The following LMNA variants were observed in gnomAD, a reference collection of about 807,000 sequenced individuals.
LMNA encodes the protein lamin.
LMNA carries 20 observed loss-of-function variants against 70.4 expected under a neutral mutation model. The observed-to-expected ratio is 0.28, with a 90% CI of 0.20 to 0.41. The LOEUF (loss-of-function observed/expected upper bound fraction) is 0.41. LMNA is among the 10% of genes least tolerant of loss of function. The pLI, the probability that LMNA is intolerant of heterozygous loss-of-function variation, is 1.00. For missense variants in LMNA, 652 were observed against 917.2 expected (o/e 0.71, Z 3.73); for synonymous variants, 339 against 372.8 (o/e 0.91, Z 1.04).
intron 3 of LMNA, among the ~76,000 whole-genome samples, chr1:156,102,785 C>T (rs971340258): frequency 1.4e-4 from 22 of 152,176 alleles, no homozygotes; most frequent in African/African-American, 5.3e-4. Flanking sequence ...CAGTGAGTCA[C>T]GTTTCCATGT....
At chr1:156,109,759 C>T (rs936942292), upstream of LMNA, 9 of 151,634 alleles carry the variant, frequency 5.9e-5, no homozygotes, top group African/African-American at 2.2e-4. Context: ...AAGTTATTCA[C>T]TGTGTGAGCA....
chr1:156,131,143 C>T (rs1429901907), intron 2 of LMNA, among the ~76,000 whole-genome samples: 1 of 152,092 alleles, frequency 6.6e-6, no homozygotes, highest in African/African-American at 2.4e-5. Context: ...TGGTGGCGGG[C>T]GCCTGTAGTC....
At chr1:156,132,441 G>C (rs549284541) in intron 2 of LMNA, among the ~76,000 whole-genome samples, 1 of 152,240 alleles carries the variant, frequency 6.6e-6, no homozygotes, top group Admixed American at 6.5e-5. Flanking sequence ...CAGCACTCCA[G>C]CCTAGGCAAC....
chr1:156,114,791 T>A lies in LMNA; in HGVS notation c.-128T>A. The A allele has an allele frequency of 1.5e-6, 1 of 674,028 alleles. No individual in the cohort carries two copies. The highest frequency in any genetic ancestry group is 2.4e-6 in the Non-Finnish European group (1 of 413,212). 41.8% of individuals were successfully genotyped at this position (674,028 alleles called of 1,614,324 possible). ...AGCGCCCGGCCCAGATCCCCACGCC[T>A]GCCAGGAGCAAGCCGAGAGCCAGCC... On this transcript the variant is annotated 5_prime_UTR_variant, in exon 1 of 12. Transcript: ENST00000368300.
At position 156,137,217 on chromosome 1, in the gene LMNA, C is replaced by G. The variant is rs1651734080; in HGVS notation, c.1593C>G (p.Ile531Met). ...GCGNSLRTALINSTGEEVAMR... is the reference protein window; with the variant it reads ...GCGNSLRTALMNSTGEEVAMR... ...GGAACAGCCTGCGTACGGCTCTCAT[C>G]AACTCCACTGGGGAAGTAAGTAGGC... is the stretch of plus-strand genomic sequence containing the variant. Residue 531 changes from isoleucine (I) to methionine (M), a missense_variant, in exon 9 of 12, where the codon ATC becomes ATG. Physicochemically the swap from Ile to Met is conservative, Grantham distance 10. Around this residue, in one of 4 missense-constraint regions of LMNA, gnomAD observed 327 missense variants for 387.6 expected, o/e 0.84. Transcript: ENST00000368300. The surrounding 1 kb of genome is among the most constrained non-coding windows in gnomAD (Gnocchi z 4.6). 6.3e-7 allele frequency: 1 copy of G among 1,589,512 alleles called. No homozygotes were observed. The highest frequency in any genetic ancestry group is 1.8e-5 in the Admixed American group (1 of 56,110).
chr1:156,094,159 T>C (rs954358113), intron 3 of LMNA, among the ~76,000 whole-genome samples: 4 of 152,114 alleles, frequency 2.6e-5, no homozygotes, highest in Non-Finnish European at 5.9e-5. Context: ...TGCATACACC[T>C]CCTCTCAGTC....
intron 1 of LMNA, among the ~76,000 whole-genome samples, chr1:156,117,258 G>A (rs1463296884): frequency 2.7e-5 from 4 of 149,106 alleles, no homozygotes; most frequent in African/African-American, 5.0e-5. Context: ...TTTTTGAGAC[G>A]GAGTCTTGCT....
chr1:156,097,593 G>T (rs1215719049), intron 3 of LMNA, among the ~76,000 whole-genome samples: 1 of 152,284 alleles, frequency 6.6e-6, no homozygotes, highest in Non-Finnish European at 1.5e-5. Flanking sequence ...GCAGAGCCAG[G>T]ATTGGAACCC....
chr1:156,099,923 A>G (rs539034962), intron 3 of LMNA, among the ~76,000 whole-genome samples: 1 of 151,860 alleles, frequency 6.6e-6, no homozygotes, highest in South Asian at 2.1e-4. Context: ...ATCAATTACT[A>G]ATCAAAATAT....
At chr1:156,112,392 C>T (rs1390798277), upstream of LMNA, among the ~76,000 whole-genome samples, 1 of 151,922 alleles carries the variant, frequency 6.6e-6, no homozygotes, top group Non-Finnish European at 1.5e-5. Flanking sequence ...AAAAAAAGAG[C>T]GGGGAGGTCT....
rs993968264 is a variant in LMNA, at chr1:156,115,503, T to G, written c.356+229T>G. On this transcript the variant is annotated intron_variant, in intron 1 of 11. Coordinates refer to ENST00000368300, the MANE Select transcript of LMNA (RefSeq NM_170707.4). This position sits in a 1 kb window ranked among gnomAD's most constrained non-coding sequence, Gnocchi z 5.8. The stretch of plus-strand genomic sequence containing the variant: ...GTCTCTGGGAGAGGGTCGGGGAGGA[T>G]ATAAGGAATGGTGGGGGTATCAGGG... 2.6e-5 allele frequency among the ~76,000 whole-genome samples: 4 copies of G among 151,502 alleles called. No homozygotes were observed. The South Asian group carries it at 8.4e-4, about 32-fold the overall frequency.
chr1:156,126,027 A>T (rs961821674), intron 1 of LMNA: 13 of 349,306 alleles, frequency 3.7e-5, no homozygotes, highest in Middle Eastern at 8.3e-4. Context: ...ACAATTAAAA[A>T]TTTTAAATTA....
At position 156,135,627 on chromosome 1, in the gene LMNA, T is replaced by C. The variant is rs1014966365; in HGVS notation, c.937-274T>C. 5.1e-6 allele frequency: 3 copies of C among 591,086 alleles called. No homozygotes were observed. The highest frequency in any genetic ancestry group is 9.0e-6 in the Non-Finnish European group (3 of 332,392). The allele number at this position is 591,086 out of a possible 1,614,324, so 36.6% of individuals were successfully genotyped here. A position where few individuals can be genotyped will look rare whatever the true frequency, so the allele number is the denominator to read the frequency against. On this transcript the variant is annotated intron_variant, in intron 5 of 11. Transcript: ENST00000368300. This position sits in a 1 kb window ranked among gnomAD's most constrained non-coding sequence, Gnocchi z 4.8. ...ATGTGAGGTGTTAAAAGCATCAGTATTTTTCTAGTTGGCTGTGCTATTTGT... is the reference window on the plus strand; with the variant it reads ...ATGTGAGGTGTTAAAAGCATCAGTACTTTTCTAGTTGGCTGTGCTATTTGT...
rs1382045044 is a variant in LMNA, at chr1:156,115,888, G to T, written c.356+614G>T. Among the ~76,000 whole-genome samples the T allele has an allele frequency of 6.6e-6, 1 of 152,218 alleles. No individual in the cohort carries two copies. On this transcript the variant is annotated intron_variant, in intron 1 of 11. Transcript: ENST00000368300. This position sits in a 1 kb window ranked among gnomAD's most constrained non-coding sequence, Gnocchi z 5.8. ...GCATGACCTTGTCCTGGGTTCTAAGGGTTGGGAAGTTCTCCCTCACTCTGC... is the reference window on the plus strand; with the variant it reads ...GCATGACCTTGTCCTGGGTTCTAAGTGTTGGGAAGTTCTCCCTCACTCTGC...
Position 156,139,198 on chromosome 1 carries a change from G to C in LMNA, c.*92G>C. 1.3e-6 allele frequency: 2 copies of C among 1,588,406 alleles called. No homozygotes were observed. Among genetic ancestry groups the C allele is most frequent in the Non-Finnish European group, 1.7e-6 (2 of 1,172,546 alleles). ...CCTGCCCTGCACGTCATGGGAGGGG[G>C]CTTGAAGCCAAAGAAAAATAACCCT... On this transcript the variant is annotated 3_prime_UTR_variant, in exon 12 of 12. Transcript: ENST00000368300.
intron 3 of LMNA, among the ~76,000 whole-genome samples, chr1:156,098,341 G>C (rs1028269729): frequency 2.0e-5 from 3 of 152,234 alleles, no homozygotes; most frequent in Admixed American, 1.3e-4. Context: ...CCTGTCCACA[G>C]ACTTCAGGTT....
chr1:156,134,813 T>C lies in LMNA; in HGVS notation c.648T>C (p.Arg216=). The change falls in exon 4 of 12, where the codon CGT becomes CGC. Residue 216 remains arginine (R), a synonymous_variant. Coordinates refer to ENST00000368300, the MANE Select transcript of LMNA (RefSeq NM_170707.4). The surrounding 1 kb of genome is among the most constrained non-coding windows in gnomAD (Gnocchi z 5.3). Reference sequence around the variant, plus strand: ...TCCTCCAACCCTTCCAGGAGCTGCGTGAGACCAAGCGCCGTCATGAGACCC... The same window carrying C: ...TCCTCCAACCCTTCCAGGAGCTGCGCGAGACCAAGCGCCGTCATGAGACCC... ...FQKNIYSEEL[R]ETKRRHETRL... 1 of 1,614,140 alleles carries C rather than the reference T, an allele frequency of 6.2e-7. No individual in the cohort carries two copies. Among genetic ancestry groups the C allele is most frequent in the Non-Finnish European group, 8.5e-7 (1 of 1,180,016 alleles).
At position 156,138,000 on chromosome 1, in the gene LMNA, G is replaced by A. The variant is rs752839691; in HGVS notation, c.1698+257G>A. The A allele has an allele frequency of 1.0e-4, 74 of 717,824 alleles. No homozygotes were observed. The highest frequency in any genetic ancestry group is 1.6e-4 in the Non-Finnish European group (70 of 449,580). The allele number at this position is 717,824 out of a possible 1,614,324, so 44.5% of individuals were successfully genotyped here. On this transcript the variant is annotated intron_variant, in intron 10 of 11. Transcript: ENST00000368300. This position sits in a 1 kb window ranked among gnomAD's most constrained non-coding sequence, Gnocchi z 4.6. ...ATGGAATATTCCTGTGGGAGCAGTGGACAAGGGTCTGGATTTGTCTTCTGG... is the reference window on the plus strand; with the variant it reads ...ATGGAATATTCCTGTGGGAGCAGTGAACAAGGGTCTGGATTTGTCTTCTGG...
upstream of LMNA, among the ~76,000 whole-genome samples, chr1:156,110,904 A>G (rs1649514604): frequency 6.6e-6 from 1 of 152,100 alleles, no homozygotes; most frequent in Non-Finnish European, 1.5e-5. Context: ...TGAACATGGA[A>G]GGCAGAGGTT....
Sources: allele counts gnomAD v4.1 joint callset (sites outside exome capture counted in the v4.1 genomes callset), GRCh38; gene constraint gnomAD v4.1.1; regional missense constraint gnomAD v4.1.1; non-coding constraint Gnocchi (gnomAD v3.1); transcripts MANE v1.5; gene names NCBI Gene and HGNC (gene_info 2026-07-23, HGNC 2026-07-21).